Variants in ABI3BP observed in about 807,000 individuals in gnomAD.
ABI3BP encodes ABI family member 3 binding protein.
ABI3BP carries 216 observed loss-of-function variants against 268.6 expected under a neutral mutation model. The ratio of observed to expected loss-of-function variants is 0.80; its 90% CI spans 0.72 to 0.90. The LOEUF (loss-of-function observed/expected upper bound fraction) is 0.90. Among genes scored for constraint, ABI3BP ranks in the 40% least tolerant of loss-of-function variants. The pLI, the probability that ABI3BP is intolerant of heterozygous loss-of-function variation, is 0.00. For missense variants in ABI3BP, 2,090 were observed against 2,182.4 expected (o/e 0.96, Z 0.84); for synonymous variants, 730 against 730.0 (o/e 1.00, Z 0.00).
At chr3:100,821,604 T>G (rs866069728) in intron 38 of ABI3BP, among the ~76,000 whole-genome samples, 19,156 of 143,986 alleles carry the variant, frequency 0.13, 1,469 homozygotes, top group South Asian at 0.26. Context: ...AGACTTTTTT[T>G]TTTTTTTTTT....
At chr3:100,894,911 C>T (rs1349036850) in intron 4 of ABI3BP, among the ~76,000 whole-genome samples, 1 of 105,616 alleles carries the variant, frequency 9.5e-6, no homozygotes, top group Non-Finnish European at 1.9e-5. Flanking sequence ...TGCACTCCAG[C>T]CTGGGCGACA....
chr3:100,911,210 G>C (rs1304401837), intron 2 of ABI3BP: 1 of 388,894 alleles, frequency 2.6e-6, no homozygotes, highest in Non-Finnish European at 4.8e-6. Flanking sequence ...ATGTCAGTGT[G>C]TTCTACCATT....
At chr3:100,779,943 G>C (rs1354373535) in intron 58 of ABI3BP, among the ~76,000 whole-genome samples, 189 bp downstream of exon 58, 1 of 152,176 alleles carries the variant, frequency 6.6e-6, no homozygotes, top group African/African-American at 2.4e-5. Flanking sequence ...TTTGTGCACA[G>C]AGCACTTTTA....
intron 2 of ABI3BP, among the ~76,000 whole-genome samples, chr3:100,914,094 G>A (rs2057747120): frequency 6.6e-6 from 1 of 152,102 alleles, no homozygotes; most frequent in African/African-American, 2.4e-5. Flanking sequence ...TTTTTGAAAA[G>A]TAATCAAACA....
intron 63 of ABI3BP, among the ~76,000 whole-genome samples, chr3:100,761,627 G>A (rs1489327818): frequency 6.6e-6 from 1 of 152,236 alleles, no homozygotes; most frequent in East Asian, 1.9e-4. Context: ...GAGAAGGTTG[G>A]TATACACTGT....
intron 2 of ABI3BP, chr3:100,914,599 C>T: frequency 3.0e-6 from 1 of 334,578 alleles, no homozygotes; most frequent in Non-Finnish European, 6.1e-6. Context: ...TGAATAACAG[C>T]AGTGAGAAGC....
At chr3:100,844,005 G>A (rs2098739187) in intron 20 of ABI3BP, 1 of 983,142 alleles carries the variant, frequency 1.0e-6, no homozygotes, top group African/African-American at 1.8e-5. Flanking sequence ...AAGCTTCAAA[G>A]TCAATTGCAC....
intron 62 of ABI3BP, among the ~76,000 whole-genome samples, chr3:100,770,197 G>A (rs2096497169): frequency 6.6e-6 from 1 of 152,138 alleles, no homozygotes; most frequent in Non-Finnish European, 1.5e-5. Context: ...TCAGACTGTT[G>A]TATAACAAAT....
At chr3:100,872,241 C>A (rs1038645811) in intron 9 of ABI3BP, among the ~76,000 whole-genome samples, 5 of 152,000 alleles carry the variant, frequency 3.3e-5, no homozygotes, top group Non-Finnish European at 7.4e-5. Flanking sequence ...TTACTATTTG[C>A]ATTTATTTTT....
chr3:100,829,602 C>T lies in ABI3BP; in HGVS notation c.2521G>A (p.Glu841Lys), dbSNP rs567142500. Reference sequence around the variant, plus strand: ...TTACCCAGTTCAGTCTGAAGCTCTTCGGGACTCAGTGTGGTTTTAGGTTTG... The same window carrying T: ...TTACCCAGTTCAGTCTGAAGCTCTTTGGGACTCAGTGTGGTTTTAGGTTTG... Reference protein sequence around the residue: ...HPKPKTTLSPEELQTELVPAT... With the variant: ...HPKPKTTLSPKELQTELVPAT... The change falls in exon 33 of 68, where the codon GAA becomes AAA. Residue 841 changes from glutamate (E) to lysine (K), a missense_variant. Physicochemically the swap from Glu to Lys is moderately conservative, Grantham distance 56. Transcript: ENST00000471714. 2.1e-5 allele frequency: 32 copies of T among 1,535,524 alleles called. No individual in the cohort carries two copies. Among genetic ancestry groups the T allele is most frequent in the East Asian group, 1.2e-4 (5 of 40,890 alleles).
At chr3:100,858,751 A>T (rs1325922205) in intron 14 of ABI3BP, among the ~76,000 whole-genome samples, 2 of 152,320 alleles carry the variant, frequency 1.3e-5, no homozygotes, top group East Asian at 3.9e-4. Context: ...ATTCCAAAGG[A>T]TGCCAATATC....
intron 55 of ABI3BP, among the ~76,000 whole-genome samples, chr3:100,790,631 T>C (rs16842845): frequency 0.3 from 45,913 of 151,768 alleles, 7,438 homozygotes; most frequent in East Asian, 0.64. Flanking sequence ...TCTCTATAGG[T>C]TTATTTTGGG....
intron 9 of ABI3BP, among the ~76,000 whole-genome samples, chr3:100,869,402 A>G (rs549729776): frequency 1.6e-5 from 2 of 128,212 alleles, no homozygotes; most frequent in Non-Finnish European, 3.1e-5. Flanking sequence ...CAGTGACATG[A>G]TAATAGTTCA....
chr3:100,914,547 G>T (rs2057941225), intron 2 of ABI3BP: 2 of 405,652 alleles, frequency 4.9e-6, no homozygotes, highest in East Asian at 7.1e-5. Flanking sequence ...GCTCATGTTG[G>T]TGCGGATGTC....
rs1580433282 is a variant in ABI3BP at position 100,850,246 on chromosome 3, A to G, written c.1427-127T>C. 7 of 802,178 alleles carry G rather than the reference A, an allele frequency of 8.7e-6. No individual in the cohort carries two copies. The East Asian group carries it at 1.9e-4, about 22-fold the overall frequency. The allele number at this position is 802,178 out of a possible 1,614,324, so 49.7% of individuals were successfully genotyped here. A position where few individuals can be genotyped will look rare whatever the true frequency, so the allele number is the denominator to read the frequency against. The stretch of plus-strand genomic sequence containing the variant: ...GTACATGATTAAAGATGAAAAATGC[A>G]TGTAGTCTTGAAAGCTAGTGAATAA... On this transcript the variant is annotated intron_variant, in intron 16 of 67. Transcript: ENST00000471714.
chr3:100,811,368 A>G, intron 47 of ABI3BP, 91 bp from the exon 48 acceptor site: 1 of 1,006,824 alleles, frequency 9.9e-7, no homozygotes, highest in Non-Finnish European at 1.4e-6. Context: ...AATAATTTGC[A>G]TCATAATTTT....
At chr3:100,751,815 C>T (rs1249793169) in intron 66 of ABI3BP, 141 bp from the exon 67 acceptor site, 1 of 802,370 alleles carries the variant, frequency 1.2e-6, no homozygotes, top group Non-Finnish European at 1.8e-6. Flanking sequence ...TTCTTGCCTA[C>T]CTGTATTCTT....
chr3:100,839,589 T>C lies in ABI3BP; in HGVS notation c.1925A>G (p.Glu642Gly). 1 of 1,535,808 alleles carries C rather than the reference T, an allele frequency of 6.5e-7. No individual in the cohort carries two copies. The highest frequency in any genetic ancestry group is 8.7e-7 in the Non-Finnish European group (1 of 1,146,680). Residue 642 changes from glutamate (E) to glycine (G), a missense_variant, in exon 24 of 68, where the codon GAG (glutamate) becomes GGG (glycine). Coordinates refer to ENST00000471714, the MANE Select transcript of ABI3BP (RefSeq NM_001375547.2). ...ATTACCAGTTGTGGGCACCAAGGGCTCCGGTTGTATCGTGGCAGGTTCCAG... is the reference window on the plus strand; with the variant it reads ...ATTACCAGTTGTGGGCACCAAGGGCCCCGGTTGTATCGTGGCAGGTTCCAG... ...PALEPATIQP[E>G]PLVPTTASKP... is the part of the protein sequence containing the mutation.
rs2039963706 is a variant in ABI3BP at position 100,882,661 on chromosome 3, AG to A, written c.696+2874del. On this transcript the variant is annotated intron_variant, in intron 6 of 67. Coordinates refer to ENST00000471714, the MANE Select transcript of ABI3BP (RefSeq NM_001375547.2). ...TCATGCATGCAGGAAGTTGCTTCCT[AG>A]CCCTTCCTATCATGGCTGCTTATAT... Among the ~76,000 whole-genome samples the A allele has an allele frequency of 3.9e-5, 6 of 152,138 alleles. No individual in the cohort carries two copies. The South Asian group carries it at 1.2e-3, about 32-fold the overall frequency.
Sources: gnomAD v4.1 joint callset for allele counts (sites outside exome capture counted in the v4.1 genomes callset) on GRCh38, gnomAD v4.1.1 for gene constraint, MANE v1.5 for transcripts, NCBI Gene and HGNC (gene_info 2026-07-23, HGNC 2026-07-21) for gene names.